The following WWOX variants were observed in gnomAD, a reference collection of about 807,000 sequenced individuals.
WWOX encodes the protein WW domain-containing oxidoreductase.
Under a neutral mutation model 46.2 loss-of-function variants are expected in WWOX, and 69 were observed. The ratio of observed to expected loss-of-function variants is 1.49; its 90% confidence interval spans 1.23 to 1.82. The LOEUF (loss-of-function observed/expected upper bound fraction) is 1.82, where lower values mean the gene tolerates loss of function less well. Among genes scored for constraint, WWOX ranks in the 40% most tolerant of loss-of-function variants. The pLI is 0.00. For synonymous variants in WWOX, 359 were observed against 202.6 expected, an observed-to-expected ratio of 1.77 and a Z score of -6.56; for missense variants, 919 against 542.6, an observed-to-expected ratio of 1.69 and a Z score of -6.89.
chr16:79,075,954 A>G (rs2048648121), intron 8 of WWOX, among the ~76,000 whole-genome samples: 2 of 152,192 alleles, frequency 1.3e-5, no homozygotes, highest in Admixed American at 6.5e-5. Flanking sequence ...ACGTTGGATC[A>G]TGTGTGGAGT....
At chr16:78,362,380 C>T (rs369974090) in intron 5 of WWOX, among the ~76,000 whole-genome samples, 15 of 152,262 alleles carry the variant, frequency 9.9e-5, no homozygotes, top group East Asian at 7.7e-4. Context: ...AAGGCCAATG[C>T]GGGTGGATCA....
At chr16:79,094,166 C>G (rs576376946) in intron 8 of WWOX, among the ~76,000 whole-genome samples, 1 of 152,124 alleles carries the variant, frequency 6.6e-6, no homozygotes, top group Non-Finnish European at 1.5e-5. Flanking sequence ...TGTAGGGTTG[C>G]TTGCAAAAGT....
intron 8 of WWOX, among the ~76,000 whole-genome samples, chr16:78,909,150 A>G (rs1382717240): frequency 6.6e-6 from 1 of 152,244 alleles, no homozygotes; most frequent in East Asian, 1.9e-4. Flanking sequence ...AGAGTCAGTT[A>G]CATCAGATCT....
intron 8 of WWOX, among the ~76,000 whole-genome samples, chr16:78,985,793 G>A (rs375626905): frequency 3.9e-5 from 6 of 152,162 alleles, no homozygotes; most frequent in African/African-American, 1.4e-4. Flanking sequence ...AATAGGCACA[G>A]ACAATTTACC....
intron 8 of WWOX, among the ~76,000 whole-genome samples, chr16:79,003,769 T>A (rs1035059780): frequency 2.6e-5 from 4 of 152,166 alleles, no homozygotes; most frequent in African/African-American, 9.7e-5. Context: ...GGCACGGCCT[T>A]TTCTGACTTA....
At chr16:79,196,808 C>T (rs953861366) in intron 8 of WWOX, among the ~76,000 whole-genome samples, 1 of 152,140 alleles carries the variant, frequency 6.6e-6, no homozygotes, top group African/African-American at 2.4e-5. Flanking sequence ...ATACAGAGCT[C>T]AAAGGGAGCA....
At chr16:79,022,625 A>C (rs892330487) in intron 8 of WWOX, among the ~76,000 whole-genome samples, 5 of 152,140 alleles carry the variant, frequency 3.3e-5, no homozygotes, top group Non-Finnish European at 7.3e-5. Flanking sequence ...TTTTAATTAC[A>C]AGTGTTCCTG....
rs150267613 is a variant in WWOX at position 78,678,136 on chromosome 16, G to A, written c.1056+245384G>A. ...ACTGGAGAGTGAATGAAGGCTTAAG[G>A]TTTTGTCTGCCTTGGTCTCTCCTGG... On this transcript the variant is annotated intron_variant, in intron 8 of 8. Transcript: ENST00000566780. Among the ~76,000 whole-genome samples the A allele has an allele frequency of 4.6e-3, 700 of 152,298 alleles. 3 individuals carry two copies. The highest frequency in any genetic ancestry group is 0.03 in the East Asian group (153 of 5,168).
intron 8 of WWOX, among the ~76,000 whole-genome samples, chr16:79,019,157 C>CAAAAAAAAAAAAAAAAAAAAAAAAAAA: frequency 4.1e-5 from 1 of 24,572 alleles, no homozygotes; most frequent in Non-Finnish European, 6.8e-5. Context: ...GACCTTGTCT[C>CAAAAAAAAAAAAAAAAAAAAAAAAAAA]AAAAAAAAAA....
intron 3 of WWOX, 142 bp from the exon 4 acceptor site, chr16:78,114,834 C>G: frequency 9.9e-7 from 1 of 1,005,492 alleles, no homozygotes; most frequent in South Asian, 1.6e-5. Context: ...AAGATAGATT[C>G]AGTGGGCCCC....
In WWOX at chr16:79,177,304, T is replaced by C. The variant is rs550678249; in HGVS notation, c.1057-34304T>C. Among the ~76,000 whole-genome samples the C allele has an allele frequency of 5.9e-5, 9 of 152,306 alleles. No homozygotes were observed. In the South Asian group the frequency reaches 1.9e-3, roughly 32 times the overall value. Reference sequence around the variant, plus strand: ...CCATTTATTCCTCGCCTGGCCTCATTGCTCGCTTCGTTTCGGAGGAAATTT... The same window carrying C: ...CCATTTATTCCTCGCCTGGCCTCATCGCTCGCTTCGTTTCGGAGGAAATTT... On this transcript the variant is annotated intron_variant, in intron 8 of 8. Transcript: ENST00000566780.
chr16:79,177,376 T>TCCC (rs1555540752), intron 8 of WWOX, among the ~76,000 whole-genome samples: 5 of 151,334 alleles, frequency 3.3e-5, no homozygotes, highest in African/African-American at 4.9e-5. Flanking sequence ...TTTTTTCCAC[T>TCCC]CTCCCTCCGT....
At chr16:78,876,135 C>T (rs1079637) in intron 8 of WWOX, among the ~76,000 whole-genome samples, 43,319 of 151,970 alleles carry the variant, frequency 0.29, 6,408 homozygotes, top group Middle Eastern at 0.44. Context: ...TTCTTACCTA[C>T]GCTACCTTAT....
intron 8 of WWOX, among the ~76,000 whole-genome samples, chr16:78,929,541 G>C (rs1025731485): frequency 5.9e-5 from 9 of 152,132 alleles, no homozygotes; most frequent in Non-Finnish European, 1.3e-4. Flanking sequence ...ATCCGAGTGA[G>C]ATGGCCATAC....
chr16:78,961,305 A>C (rs1455616907), intron 8 of WWOX, among the ~76,000 whole-genome samples: 1 of 152,218 alleles, frequency 6.6e-6, no homozygotes, highest in Admixed American at 6.5e-5. Context: ...ATATAATTGA[A>C]CATGCCTAAA....
chr16:78,100,341 C>G (rs894914957), intron 1 of WWOX: 7 of 751,220 alleles, frequency 9.3e-6, no homozygotes, highest in African/African-American at 1.9e-5. Context: ...TAGCCTCTAC[C>G]TACTGGGTTC....
chr16:78,776,842 T>C (rs139079928), intron 8 of WWOX, among the ~76,000 whole-genome samples: 118 of 152,102 alleles, frequency 7.8e-4, no homozygotes, highest in African/African-American at 2.5e-3. Context: ...TCAGATCGCG[T>C]AAGAACTCGC....
rs539114065 is a variant in WWOX at position 78,706,751 on chromosome 16, T to A, written c.1056+273999T>A. Among the ~76,000 whole-genome samples, 6 of 152,320 alleles carry A rather than the reference T, an allele frequency of 3.9e-5. No homozygotes were observed. In the East Asian group the frequency reaches 1.2e-3, roughly 29 times the overall value. ...ACATGGTACTGACGCAATTGGCACC[T>A]CAGATGGTTCTTCCTGACAGCTACC... On this transcript the variant is annotated intron_variant, in intron 8 of 8. Coordinates refer to ENST00000566780, the MANE Select transcript of WWOX (RefSeq NM_016373.4).
intron 1 of WWOX, among the ~76,000 whole-genome samples, chr16:78,103,076 G>T (rs7191778): frequency 0.38 from 57,701 of 151,642 alleles, 11,160 homozygotes; most frequent in South Asian, 0.51. Flanking sequence ...TTGCTCCTGC[G>T]TGCCCCCTGC....
Sources: allele counts gnomAD v4.1 joint callset (sites outside exome capture counted in the v4.1 genomes callset), GRCh38; gene constraint gnomAD v4.1.1; transcripts MANE v1.5; gene names NCBI Gene and HGNC (gene_info 2026-07-23, HGNC 2026-07-21).